HSPG2: variants seen among roughly 807,000 people sequenced by gnomAD.
HSPG2 encodes basement membrane-specific heparan sulfate proteoglycan core protein.
A neutral mutation model predicts 526.6 loss-of-function variants in HSPG2; 278 were observed. That is an observed-to-expected ratio of 0.53 (90% CI 0.48 to 0.58). The LOEUF (loss-of-function observed/expected upper bound fraction) is 0.58, where lower values mean the gene tolerates loss of function less well. Ranked by LOEUF, HSPG2 falls within the 20% of genes least tolerant of loss-of-function variation. The pLI, the probability that HSPG2 is intolerant of heterozygous loss-of-function variation, is 0.00. For missense variants in HSPG2, 5,354 were observed against 6,099.5 expected (o/e 0.88, Z 4.07); for synonymous variants, 2,465 against 2,555.4 (o/e 0.96, Z 1.07).
intron 37 of HSPG2, among the ~76,000 whole-genome samples, chr1:21,862,839 T>C (rs1257092884): frequency 2.8e-5 from 1 of 35,090 alleles, no homozygotes; most frequent in Non-Finnish European, 7.9e-5. Flanking sequence ...CGTGGGTGGA[T>C]CACCTGAGAT....
At position 21,865,760 on chromosome 1, in the gene HSPG2, C is replaced by T; in HGVS notation, c.4271G>A (p.Gly1424Asp). The T allele has an allele frequency of 6.2e-7, 1 of 1,613,922 alleles. No homozygotes were observed. The part of the protein sequence containing the change: ...KLRYTLSYTA[G>D]PQGSPLSDPD... ...GTCAGAGAGTGGGCTGCCCTGTGGG[C>T]CTGCTGTGTAGGAGAGGGTGTATCG... Residue 1424 changes from glycine to aspartate, a missense_variant, in exon 34 of 97, where the codon GGC becomes GAC. Gly to Asp is a moderately conservative substitution (Grantham distance 94). Transcript: ENST00000374695. This position sits in a 1 kb window ranked among gnomAD's most constrained non-coding sequence, Gnocchi z 5.4.
At chr1:21,842,630 C>G in intron 67 of HSPG2, 140 bp downstream of exon 67, 1 of 1,134,262 alleles carries the variant, frequency 8.8e-7, no homozygotes, top group Non-Finnish European at 1.3e-6. Flanking sequence ...GATTTGCAGG[C>G]TGGTGAACTC....
intron 1 of HSPG2, among the ~76,000 whole-genome samples, chr1:21,901,847 C>T (rs922094574): frequency 6.6e-6 from 1 of 152,190 alleles, no homozygotes; most frequent in Non-Finnish European, 1.5e-5. Context: ...ACCACAGGCT[C>T]TGCCTCAGTG....
At chr1:21,856,210 G>A (rs1286883489) in intron 44 of HSPG2, among the ~76,000 whole-genome samples, 3 of 152,138 alleles carry the variant, frequency 2.0e-5, no homozygotes, top group Non-Finnish European at 2.9e-5. Flanking sequence ...CCCCAGCCAC[G>A]TGGTCTCTGC....
Position 21,842,123 on chromosome 1 carries a change from G to A in HSPG2, c.9072C>T (p.Ile3024=), listed in dbSNP as rs776013099. 4 of 1,613,624 alleles carry A rather than the reference G, an allele frequency of 2.5e-6. No homozygotes were observed. In the African/African-American group the frequency reaches 4.0e-5, roughly 16 times the overall value. The change falls in exon 69 of 97, where the codon ATC becomes ATT. Residue 3024 remains isoleucine (I), a synonymous_variant. Coordinates refer to ENST00000374695, the MANE Select transcript of HSPG2 (RefSeq NM_005529.7). ...GSSYRLRSPV[I]SIDPPSSTVQ... is the part of the protein sequence containing the mutation. ...CGGTGCTGCTGGGCGGGTCGATGGA[G>A]ATGACCGGGCTCCTAAGGCCTGGGG...
intron 30 of HSPG2, 123 bp from the exon 31 acceptor site, chr1:21,873,214 G>A (rs191008240): frequency 1.0e-5 from 12 of 1,147,852 alleles, no homozygotes; most frequent in African/African-American, 4.5e-5. Context: ...ACACTCTCAC[G>A]ACAGCCCTCG....
Position 21,838,847 on chromosome 1 carries a change from GGC to G in HSPG2, c.10126_10127del (p.Ala3376LeufsTer42). ...RVTNKVGSAE[A>X]FAQLLVQGPP... ...TACCTTGGACGAGCAGCTGGGCAAA[GGC>G]CTCGGCTGAGCCCACCTTGTTGGTG... On this transcript the variant is annotated frameshift_variant, in exon 74 of 97. Coordinates refer to ENST00000374695, the MANE Select transcript of HSPG2 (RefSeq NM_005529.7). LOFTEE classifies it high-confidence loss of function. 1 of 1,612,438 alleles carries G rather than the reference GGC, an allele frequency of 6.2e-7. No homozygotes were observed. Among genetic ancestry groups the G allele is most frequent in the South Asian group, 1.1e-5 (1 of 90,808 alleles).
rs1342720857 is a variant in HSPG2, at chr1:21,865,334, G to A, written c.4346C>T (p.Pro1449Leu). Reference sequence around the variant, plus strand: ...CCTCCTCTCAGGGCCCTGCAGCGCTGGCTGGGAGGCCACTAGCATGATGTT... The same window carrying A: ...CCTCCTCTCAGGGCCCTGCAGCGCTAGCTGGGAGGCCACTAGCATGATGTT... ...GNNIMLVASQ[P>L]ALQGPERRSY... The change falls in exon 35 of 97, where the codon CCA becomes CTA. Residue 1449 changes from proline to leucine, a missense_variant. Pro to Leu is a moderately conservative substitution (Grantham distance 98, BLOSUM62 -3). Transcript: ENST00000374695. The surrounding 1 kb of genome is among the most constrained non-coding windows in gnomAD (Gnocchi z 5.4). 2 of 1,613,986 alleles carry A rather than the reference G, an allele frequency of 1.2e-6. No individual in the cohort carries two copies. The highest frequency in any genetic ancestry group is 2.7e-5 in the African/African-American group (2 of 74,914).
At chr1:21,900,876 C>A (rs926601808) in intron 1 of HSPG2, among the ~76,000 whole-genome samples, 1 of 151,786 alleles carries the variant, frequency 6.6e-6, no homozygotes, top group Non-Finnish European at 1.5e-5. Flanking sequence ...CAGAGCAAGA[C>A]TCTGTTAAAA....
At chr1:21,896,024 G>T in intron 2 of HSPG2, 58 bp from the exon 3 acceptor site, 1 of 1,593,068 alleles carries the variant, frequency 6.3e-7, no homozygotes, top group Non-Finnish European at 8.6e-7. Context: ...GTACCTACTG[G>T]GTGTCAGGCA....
At chr1:21,899,149 A>G (rs1369240720) in intron 1 of HSPG2, among the ~76,000 whole-genome samples, 1 of 152,138 alleles carries the variant, frequency 6.6e-6, no homozygotes, top group East Asian at 1.9e-4. Flanking sequence ...CCCCCACCCT[A>G]GGGTCTGAGG....
At chr1:21,853,718 C>T (rs1355510793) in intron 50 of HSPG2, 1 of 169,018 alleles carries the variant, frequency 5.9e-6, no homozygotes, top group Non-Finnish European at 1.2e-5. Context: ...CACTGCACTC[C>T]AGCCTGGGTG....
At chr1:21,849,868 T>C (rs28405682) in intron 57 of HSPG2, among the ~76,000 whole-genome samples, 173 bp downstream of exon 57, 1 of 152,098 alleles carries the variant, frequency 6.6e-6, no homozygotes, top group Non-Finnish European at 1.5e-5. Context: ...TCAGTAGAGA[T>C]GGGGTTTCAT....
chr1:21,835,845 G>A (rs925465377), intron 75 of HSPG2, among the ~76,000 whole-genome samples: 27 of 152,092 alleles, frequency 1.8e-4, no homozygotes, highest in African/African-American at 5.8e-4. Flanking sequence ...TTAGCCAGGC[G>A]TGGTGGCACA....
At position 21,839,193 on chromosome 1, in the gene HSPG2, G is replaced by A; in HGVS notation, c.9890-108C>T. 1.3e-6 allele frequency: 2 copies of A among 1,482,146 alleles called. No individual in the cohort carries two copies. Among genetic ancestry groups the A allele is most frequent in the East Asian group, 2.3e-5 (1 of 43,990 alleles). The allele number at this position is 1,482,146 out of a possible 1,614,324, so 91.8% of individuals were successfully genotyped here. A position where few individuals can be genotyped will look rare whatever the true frequency, so the allele number is the denominator to read the frequency against. On this transcript the variant is annotated intron_variant, in intron 73 of 96. Coordinates refer to ENST00000374695, the MANE Select transcript of HSPG2 (RefSeq NM_005529.7). This position sits in a 1 kb window ranked among gnomAD's most constrained non-coding sequence, Gnocchi z 4.5. ...AGCTGAATGGTGAGCCCAGAGGACTGGGGATAAGGAAAGCAAAGGTCCCAG... is the reference window on the plus strand; with the variant it reads ...AGCTGAATGGTGAGCCCAGAGGACTAGGGATAAGGAAAGCAAAGGTCCCAG...
Position 21,880,138 on chromosome 1 carries a change from C to G in HSPG2, c.2312G>C (p.Ser771Thr), listed in dbSNP as rs1641381505. ...CSGCNCNGHA[S>T]SCDPVYGHCL... ...GTGGCCATACACAGGGTCACAGGAG[C>G]TGGCATGGCCATTGCAATTGCAACC... Residue 771 changes from serine (S) to threonine (T), a missense_variant, in exon 17 of 97, where the codon AGC (serine) becomes ACC (threonine). By Grantham distance (58) the Ser-to-Thr change is moderately conservative. Transcript: ENST00000374695. 6.2e-7 allele frequency: 1 copy of G among 1,613,992 alleles called. No individual in the cohort carries two copies. The highest frequency in any genetic ancestry group is 1.7e-5 in the Admixed American group (1 of 60,004).
At chr1:21,927,774 G>A (rs1644244203) in intron 1 of HSPG2, among the ~76,000 whole-genome samples, 2 of 152,160 alleles carry the variant, frequency 1.3e-5, no homozygotes, top group South Asian at 2.1e-4. Context: ...CTGCGGCCTC[G>A]GTAGGCGAAG....
chr1:21,913,835 C>A (rs1643793510), intron 1 of HSPG2, among the ~76,000 whole-genome samples: 1 of 152,224 alleles, frequency 6.6e-6, no homozygotes, highest in Non-Finnish European at 1.5e-5. Context: ...ACACAAGAGG[C>A]AGTACAGTGT....
chr1:21,891,019 T>C (rs1488666278), intron 3 of HSPG2, among the ~76,000 whole-genome samples: 1 of 152,224 alleles, frequency 6.6e-6, no homozygotes, highest in Admixed American at 6.5e-5. Flanking sequence ...GGAGTTGGCC[T>C]GGCACAGGGA....
Sources: gnomAD v4.1 joint callset for allele counts (sites outside exome capture counted in the v4.1 genomes callset) on GRCh38, gnomAD v4.1.1 for gene constraint, Gnocchi (gnomAD v3.1) non-coding constraint, MANE v1.5 for transcripts, NCBI Gene and HGNC (gene_info 2026-07-23, HGNC 2026-07-21) for gene names.